SLC25A18: variants seen among roughly 807,000 people sequenced by gnomAD.
SLC25A18 encodes solute carrier family 25 member 18.
SLC25A18 carries 24 observed loss-of-function variants against 31.1 expected under a neutral mutation model. The ratio of observed to expected loss-of-function variants is 0.77; its 90% confidence interval spans 0.56 to 1.08. The LOEUF is 1.08. SLC25A18 is among the 50% of genes least tolerant of loss of function. The pLI, the probability that SLC25A18 is intolerant of heterozygous loss-of-function variation, is 0.00. For missense variants in SLC25A18, 371 were observed against 418.5 expected (o/e 0.89, Z 0.99); for synonymous variants, 173 against 161.9 (o/e 1.07, Z -0.52).
chr22:17,585,626 ATTTATT>A (rs879544958), intron 7 of SLC25A18, among the ~76,000 whole-genome samples: 16,512 of 142,956 alleles, frequency 0.12, 1,233 homozygotes, highest in Non-Finnish European at 0.17. Context: ...TTTTATTATT[ATTTATT>A]TTATTATTAT....
intron 1 of SLC25A18, among the ~76,000 whole-genome samples, chr22:17,568,555 CTTTT>C (rs695361): frequency 3.2e-5 from 2 of 62,548 alleles, no homozygotes; most frequent in African/African-American, 1.4e-4. Context: ...TAAAGTACAT[CTTTT>C]TTTTTTTTTT....
At chr22:17,568,393 A>G (rs1472711829) in intron 1 of SLC25A18, among the ~76,000 whole-genome samples, 1 of 150,972 alleles carries the variant, frequency 6.6e-6, no homozygotes, top group Non-Finnish European at 1.5e-5. Context: ...GCAGATGAGA[A>G]TAAAGGAAGG....
chr22:17,568,562 T>TTTC (rs2057000725), intron 1 of SLC25A18, among the ~76,000 whole-genome samples: 1 of 109,924 alleles, frequency 9.1e-6, no homozygotes, highest in Non-Finnish European at 1.9e-5. Context: ...CATCTTTTTT[T>TTTC]TTTTTTTTTT....
rs563889518 is a variant in SLC25A18 at position 17,566,316 on chromosome 22, T to C, written c.-264+2603T>C. Among the ~76,000 whole-genome samples the C allele has an allele frequency of 3.3e-5, 5 of 152,306 alleles. 1 individual carries two copies. The East Asian group carries it at 9.6e-4, about 29-fold the overall frequency. On this transcript the variant is annotated intron_variant, in intron 1 of 10. Transcript: ENST00000327451. The stretch of plus-strand genomic sequence containing the variant: ...CTCCTGCTGATGCGTGTTTCAAATC[T>C]GATACCTGCCTCTGGCGTGTTTAAT...
intron 7 of SLC25A18, among the ~76,000 whole-genome samples, chr22:17,583,898 T>C (rs2057449463): frequency 6.6e-6 from 1 of 151,588 alleles, no homozygotes; most frequent in South Asian, 2.1e-4. Context: ...GAGCTGAGAT[T>C]GCACCACTGC....
chr22:17,564,387 G>A (rs762531685), intron 1 of SLC25A18, among the ~76,000 whole-genome samples: 4 of 152,176 alleles, frequency 2.6e-5, no homozygotes, highest in Admixed American at 2.6e-4. Context: ...GCTCTCTCTT[G>A]TAACTAGCAA....
chr22:17,577,290 G>A (rs1030178002), intron 2 of SLC25A18, among the ~76,000 whole-genome samples: 4 of 152,204 alleles, frequency 2.6e-5, no homozygotes, highest in African/African-American at 9.6e-5. Flanking sequence ...CCAAAGTGCT[G>A]GGATTATAGG....
At chr22:17,587,596 C>T (rs764957620) in intron 8 of SLC25A18, among the ~76,000 whole-genome samples, 1 of 152,194 alleles carries the variant, frequency 6.6e-6, no homozygotes, top group Non-Finnish European at 1.5e-5. Flanking sequence ...CCGCAGAGTT[C>T]ATAGTAATGA....
chr22:17,583,941 C>T (rs1339180932), intron 7 of SLC25A18: 3 of 505,572 alleles, frequency 5.9e-6, no homozygotes. Context: ...GAGACTCTGT[C>T]TCAAAAAAAA....
Position 17,590,372 on chromosome 22 carries a change from A to AG in SLC25A18, c.*137dup, listed in dbSNP as rs1292042714. 1 of 1,019,684 alleles carries AG rather than the reference A, an allele frequency of 9.8e-7. No individual in the cohort carries two copies. The highest frequency in any genetic ancestry group is 1.4e-6 in the Non-Finnish European group (1 of 698,858). 63.2% of individuals were successfully genotyped at this position (1,019,684 alleles called of 1,614,324 possible). A position where few individuals can be genotyped will look rare whatever the true frequency, so the allele number is the denominator to read the frequency against. ...GTTGTAGTGCTACCTCAATCTCGGG[A>AG]GAAACAGCCCTATATTCTAACAAGT... On this transcript the variant is annotated 3_prime_UTR_variant, in exon 11 of 11. Transcript: ENST00000327451.
At chr22:17,578,163 G>T (rs1232791144) in intron 2 of SLC25A18, among the ~76,000 whole-genome samples, 2 of 151,856 alleles carry the variant, frequency 1.3e-5, no homozygotes, top group African/African-American at 4.8e-5. Context: ...TAAAGACGGG[G>T]TTTCACTATG....
At chr22:17,569,004 C>T (rs544640697) in intron 1 of SLC25A18, among the ~76,000 whole-genome samples, 18 of 150,898 alleles carry the variant, frequency 1.2e-4, no homozygotes, top group Admixed American at 8.6e-4. Flanking sequence ...AGAGGAACCT[C>T]TTCTTTACTT....
Position 17,587,158 on chromosome 22 carries a change from C to A in SLC25A18, c.432C>A (p.Ala144=). The A allele has an allele frequency of 6.2e-7, 1 of 1,614,096 alleles. No homozygotes were observed. The change falls in exon 8 of 11, where the codon GCC becomes GCA. Residue 144 remains alanine (A), a synonymous_variant. Coordinates refer to ENST00000327451, the MANE Select transcript of SLC25A18 (RefSeq NM_031481.3). ...GRLAVHHQGS[A]SAPSTSRSYT... is the part of the protein sequence containing the mutation. ...CAGCCGTCCATCATCAGGGCTCGGC[C>A]TCAGCACCCTCCACCTCCAGGTCCT...
intron 5 of SLC25A18, 144 bp downstream of exon 5, chr22:17,581,557 G>C: frequency 1.1e-6 from 1 of 872,484 alleles, no homozygotes; most frequent in Admixed American, 2.5e-5. Flanking sequence ...CTCTTGGGTG[G>C]AGACAGAGGC....
chr22:17,583,334 A>T, intron 6 of SLC25A18, 82 bp from the exon 7 acceptor site: 1 of 1,567,954 alleles, frequency 6.4e-7, no homozygotes, highest in Non-Finnish European at 8.7e-7. Flanking sequence ...ATCCAGGGAA[A>T]GTCCCCCTCT....
At chr22:17,582,699 T>G in intron 6 of SLC25A18, 46 bp downstream of exon 6, 1 of 1,498,396 alleles carries the variant, frequency 6.7e-7, no homozygotes, top group African/African-American at 1.4e-5. Flanking sequence ...GTGTGTTTTT[T>G]GGGAGAGATG....
intron 9 of SLC25A18, 78 bp from the exon 10 acceptor site, chr22:17,589,512 G>A (rs774908031): frequency 2.5e-5 from 34 of 1,333,896 alleles, no homozygotes; most frequent in Non-Finnish European, 3.5e-5. Flanking sequence ...TCTACAGGAG[G>A]GCCCAGCCCC....
intron 7 of SLC25A18, among the ~76,000 whole-genome samples, chr22:17,585,654 T>A (rs1450610857): frequency 2.5e-4 from 35 of 142,182 alleles, no homozygotes; most frequent in Admixed American, 4.2e-4. Flanking sequence ...ATTATTATTT[T>A]TTTTTTTTTT....
At chr22:17,588,316 T>C (rs1055562126) in intron 9 of SLC25A18, 12 of 471,800 alleles carry the variant, frequency 2.5e-5, no homozygotes, top group Non-Finnish European at 4.1e-5. Flanking sequence ...CTCAGAAGAG[T>C]TGTGAGCCCC....
Sources: allele counts gnomAD v4.1 joint callset (sites outside exome capture counted in the v4.1 genomes callset), GRCh38; gene constraint gnomAD v4.1.1; transcripts MANE v1.5; gene names NCBI Gene and HGNC (gene_info 2026-07-23, HGNC 2026-07-21).